The following DPP10 variants were observed in gnomAD, a reference collection of about 807,000 sequenced individuals.
DPP10 encodes dipeptidyl peptidase like 10, also known as inactive dipeptidyl peptidase 10.
DPP10 carries 33 observed loss-of-function variants against 120.9 expected under a neutral mutation model. The observed-to-expected ratio is 0.27, with a 90% confidence interval of 0.21 to 0.37. The LOEUF is 0.37. Ranked by LOEUF, DPP10 falls within the 10% of genes least tolerant of loss-of-function variation. DPP10 has a pLI of 1.00. For synonymous variants in DPP10, 337 were observed against 326.1 expected (o/e 1.03, Z -0.36); for missense variants, 816 against 942.8 (o/e 0.87, Z 1.76).
intron 1 of DPP10, among the ~76,000 whole-genome samples, chr2:114,561,813 T>C (rs1049937369): frequency 2.0e-5 from 3 of 152,214 alleles, no homozygotes; most frequent in African/African-American, 7.2e-5. Flanking sequence ...GCTGCACCTG[T>C]TATAAATGGC....
chr2:114,461,301 C>T (rs1256344893), intron 1 of DPP10, among the ~76,000 whole-genome samples: 1 of 152,162 alleles, frequency 6.6e-6, no homozygotes, highest in Non-Finnish European at 1.5e-5. Context: ...GAGCTTGCCT[C>T]ATTGCTGAGT....
chr2:115,456,805 C>G (rs1332803311), intron 3 of DPP10, among the ~76,000 whole-genome samples: 2 of 151,946 alleles, frequency 1.3e-5, no homozygotes, highest in Non-Finnish European at 2.9e-5. Flanking sequence ...ACACCGGGAC[C>G]TGTCAGTGGG....
intron 5 of DPP10, among the ~76,000 whole-genome samples, chr2:115,601,969 C>T (rs543464604): frequency 5.1e-4 from 77 of 152,302 alleles, no homozygotes; most frequent in Non-Finnish European, 8.5e-4. Flanking sequence ...GTGTGAGCCA[C>T]CGCGCCCGGC....
rs534730780 is a variant in DPP10, at chr2:114,741,781, C to T, written c.60+298943C>T. 9.9e-5 allele frequency among the ~76,000 whole-genome samples: 15 copies of T among 152,224 alleles called. No individual in the cohort carries two copies. In the South Asian group the frequency reaches 2.1e-3, roughly 21 times the overall value. On this transcript the variant is annotated intron_variant, in intron 1 of 25. Transcript: ENST00000410059. ...AAGATGGAGGCAGATGCTGGAGTTA[C>T]GCTGTCACAAGCCACGGGGTGCCCA...
intron 7 of DPP10, among the ~76,000 whole-genome samples, chr2:115,702,579 CT>C (rs2091936691): frequency 6.6e-6 from 1 of 151,986 alleles, no homozygotes; most frequent in Non-Finnish European, 1.5e-5. Context: ...TAAAAACATG[CT>C]AAGTGAAAGG....
rs546597285 is a variant in DPP10 at position 115,461,886 on chromosome 2, C to G, written c.272-37624C>G. On this transcript the variant is annotated intron_variant, in intron 3 of 25. Transcript: ENST00000410059. ...TTAATTCCAGGCTTGCTCTTTCTCT[C>G]TGTTTCTTTCTTCTCTTTCACTCAC... 5.3e-5 allele frequency among the ~76,000 whole-genome samples: 8 copies of G among 152,226 alleles called. No individual in the cohort carries two copies. In the South Asian group the frequency reaches 1.7e-3, roughly 32 times the overall value.
chr2:115,079,169 A>G (rs1238840535), intron 1 of DPP10, among the ~76,000 whole-genome samples: 2 of 152,126 alleles, frequency 1.3e-5, no homozygotes, highest in Non-Finnish European at 2.9e-5. Context: ...TCGTGAGGTC[A>G]GGAGATCGAG....
At chr2:115,725,974 T>C (rs62155337) in intron 7 of DPP10, among the ~76,000 whole-genome samples, 11,885 of 152,264 alleles carry the variant, frequency 0.078, 663 homozygotes, top group Non-Finnish European at 0.12. Context: ...TTCTATCCAG[T>C]GTTAGGGAAT....
At chr2:115,286,502 ATT>A (rs1491288369) in intron 1 of DPP10, among the ~76,000 whole-genome samples, 3 of 44,440 alleles carry the variant, frequency 6.8e-5, no homozygotes, top group East Asian at 2.0e-3. Context: ...ATATATATAT[ATT>A]ACATATATAA....
At chr2:114,560,222 G>T (rs1484862196) in intron 1 of DPP10, among the ~76,000 whole-genome samples, 1 of 152,214 alleles carries the variant, frequency 6.6e-6, no homozygotes, top group Admixed American at 6.5e-5. Context: ...TGGGAGTTGG[G>T]AGGAGAAGGA....
At chr2:114,477,854 AATATATGTATATATGTACAT>A (rs1680583635) in intron 1 of DPP10, among the ~76,000 whole-genome samples, 1 of 71,984 alleles carries the variant, frequency 1.4e-5, no homozygotes, top group South Asian at 3.8e-4. Flanking sequence ...TGCATGTATA[AATATATGTATATATGTACAT>A]ATATGTGTAT....
chr2:114,497,319 GTATACGTGTATACATGTACATA>G (rs2104482597), intron 1 of DPP10, among the ~76,000 whole-genome samples: 2 of 18,790 alleles, frequency 1.1e-4, no homozygotes, highest in East Asian at 7.8e-4. Context: ...ACATGTACAT[GTATACGTGTATACATGTACATA>G]TACATACACA....
At chr2:114,733,373 G>A (rs1196431995) in intron 1 of DPP10, among the ~76,000 whole-genome samples, 1 of 152,218 alleles carries the variant, frequency 6.6e-6, no homozygotes, top group East Asian at 1.9e-4. Context: ...GCTGGGAATG[G>A]TGGTGATGTT....
At chr2:114,717,397 AT>A (rs1180004143) in intron 1 of DPP10, among the ~76,000 whole-genome samples, 1 of 152,212 alleles carries the variant, frequency 6.6e-6, no homozygotes, top group Non-Finnish European at 1.5e-5. Context: ...ATTTAACTTA[AT>A]TTTTAGAAAT....
At chr2:115,579,200 A>T (rs748164200) in intron 5 of DPP10, 9 of 152,354 alleles carry the variant, frequency 5.9e-5, no homozygotes, top group Non-Finnish European at 1.0e-4. Flanking sequence ...TTTGTTCCAG[A>T]GTCCGTGCTC....
rs1283153119 is a variant in DPP10 at position 115,799,763 on chromosome 2, C to A, written c.1700+8407C>A. 4.6e-5 allele frequency among the ~76,000 whole-genome samples: 7 copies of A among 151,932 alleles called. No homozygotes were observed. The East Asian group carries it at 1.4e-3, about 29-fold the overall frequency. ...TCCATGTCCCTACAAAGGACATGAA[C>A]TCACCATTTTTTATGGCTGCATAGT... On this transcript the variant is annotated intron_variant, in intron 19 of 25. Transcript: ENST00000410059.
rs1481515238 is a variant in DPP10, at chr2:115,798,719, A to G, written c.1700+7363A>G. Among the ~76,000 whole-genome samples, 6 of 152,140 alleles carry G rather than the reference A, an allele frequency of 3.9e-5. 1 individual carries two copies. The highest frequency in any genetic ancestry group is 6.3e-3 in the Middle Eastern group (2 of 316). ...ATAATTATTGTATTTTTAAAAGAAA[A>G]CCACAACCCAAATAATACAATTGTT... is the stretch of plus-strand genomic sequence containing the variant. On this transcript the variant is annotated intron_variant, in intron 19 of 25. Transcript: ENST00000410059.
At position 115,328,748 on chromosome 2, in the gene DPP10, T is replaced by A. The variant is rs1324582367; in HGVS notation, c.176-15069T>A. The stretch of plus-strand genomic sequence containing the variant: ...ATAACCTCTGTCCTTCCCTCATCTC[T>A]TCTCTATCCTGAAAGAGTTCACTAG... On this transcript the variant is annotated intron_variant, in intron 2 of 25. Coordinates refer to ENST00000410059, the MANE Select transcript of DPP10 (RefSeq NM_020868.6). Among the ~76,000 whole-genome samples, 3 of 152,236 alleles carry A rather than the reference T, an allele frequency of 2.0e-5. No individual in the cohort carries two copies. In the East Asian group the frequency reaches 5.8e-4, roughly 29 times the overall value.
At chr2:114,559,729 C>T (rs1189652414) in intron 1 of DPP10, among the ~76,000 whole-genome samples, 1 of 151,616 alleles carries the variant, frequency 6.6e-6, no homozygotes, top group Non-Finnish European at 1.5e-5. Context: ...GTAGGTAGAT[C>T]AGAGATCCAT....
Sources: gnomAD v4.1 joint callset for allele counts (sites outside exome capture counted in the v4.1 genomes callset) on GRCh38, gnomAD v4.1.1 for gene constraint, MANE v1.5 for transcripts, NCBI Gene and HGNC (gene_info 2026-07-23, HGNC 2026-07-21) for gene names.